Variants in GRTP1 observed in about 807,000 individuals in gnomAD.
GRTP1 encodes the protein growth hormone-regulated TBC protein 1.
GRTP1 carries 56 observed loss-of-function variants against 38.1 expected under a neutral mutation model. The observed-to-expected ratio is 1.47, with a 90% confidence interval of 1.19 to 1.84. The LOEUF is 1.84. Among genes scored for constraint, GRTP1 ranks in the 40% most tolerant of loss-of-function variants. The pLI, the probability that GRTP1 is intolerant of heterozygous loss-of-function variation, is 0.00. For missense variants in GRTP1, 506 were observed against 453.9 expected (o/e 1.11, Z -1.04); for synonymous variants, 217 against 189.5 (o/e 1.14, Z -1.19).
At chr13:113,340,516 C>T (rs1003651198) in intron 5 of GRTP1, among the ~76,000 whole-genome samples, 4 of 142,134 alleles carry the variant, frequency 2.8e-5, no homozygotes, top group Non-Finnish European at 6.0e-5. Context: ...CTGTAGTTCA[C>T]GCCTGTAATC....
At chr13:113,362,657 AC>A (rs1415582317) in intron 2 of GRTP1, among the ~76,000 whole-genome samples, 1 of 151,768 alleles carries the variant, frequency 6.6e-6, no homozygotes, top group African/African-American at 2.4e-5. Context: ...TGATCTTGTC[AC>A]CCCCTGCCTG....
rs1336670266 is a variant in GRTP1, at chr13:113,338,336, C to T, written c.562+6527G>A. ...GCATCTGCGTGTGGATGGTCACAGGCCACGGGGAGCGTGTCCTCAGGTCAC... is the reference window on the plus strand; with the variant it reads ...GCATCTGCGTGTGGATGGTCACAGGTCACGGGGAGCGTGTCCTCAGGTCAC... On this transcript the variant is annotated intron_variant, in intron 5 of 7. Transcript: ENST00000375431. 6.6e-5 allele frequency among the ~76,000 whole-genome samples: 10 copies of T among 152,140 alleles called. No individual in the cohort carries two copies. The South Asian group carries it at 1.7e-3, about 25-fold the overall frequency.
chr13:113,355,017 C>T (rs927168444), intron 3 of GRTP1: 1 of 285,250 alleles, frequency 3.5e-6, no homozygotes, highest in Admixed American at 4.8e-5. Flanking sequence ...GTGCCCGGTG[C>T]GAAGCGCACC....
At chr13:113,333,825 T>TATTTATTTATTTATTTA (rs1313765641) in intron 5 of GRTP1, among the ~76,000 whole-genome samples, 3 of 110,430 alleles carry the variant, frequency 2.7e-5, no homozygotes, top group African/African-American at 1.1e-4. Flanking sequence ...TTTATTTATT[T>TATTTATTTATTTATTTA]ATTTATTTAT....
At chr13:113,333,515 A>G (rs921316309) in intron 5 of GRTP1, among the ~76,000 whole-genome samples, 1 of 151,924 alleles carries the variant, frequency 6.6e-6, no homozygotes, top group Non-Finnish European at 1.5e-5. Context: ...TTATTTATTT[A>G]TTTTTTTGAG....
chr13:113,328,067 G>A (rs1051054035), intron 5 of GRTP1, among the ~76,000 whole-genome samples: 1 of 152,222 alleles, frequency 6.6e-6, no homozygotes, highest in Non-Finnish European at 1.5e-5. Context: ...CCCAGCCGGC[G>A]CAGCGGCTGC....
At chr13:113,332,187 T>G (rs1318522009) in intron 5 of GRTP1, among the ~76,000 whole-genome samples, 1 of 151,316 alleles carries the variant, frequency 6.6e-6, no homozygotes, top group Non-Finnish European at 1.5e-5. Context: ...CTGTGAACAT[T>G]TCAGCACATT....
rs1314680724 is a variant in GRTP1, at chr13:113,333,848, T to TA, written c.563-7758_563-7757insT. On this transcript the variant is annotated intron_variant, in intron 5 of 7. Coordinates refer to ENST00000375431, the MANE Select transcript of GRTP1 (RefSeq NM_024719.4). ...TTTATTTATTTATTTAGTGTGTGTG[T>TA]GTGTGTGTGTGTGTGTGTGTGTGTG... 7.5e-3 allele frequency among the ~76,000 whole-genome samples: 917 copies of TA among 122,198 alleles called. 6 individuals are homozygous for TA. The highest frequency in any genetic ancestry group is 0.013 in the Non-Finnish European group (709 of 56,322). The allele number at this position is 122,198 out of a possible 152,430, so 80.2% of individuals were successfully genotyped here.
intron 5 of GRTP1, among the ~76,000 whole-genome samples, chr13:113,338,179 C>T (rs1020770392): frequency 4.6e-5 from 7 of 152,110 alleles, no homozygotes; most frequent in Admixed American, 1.3e-4. Context: ...GCCCGGGGAG[C>T]GGCGTCTGCA....
At chr13:113,364,133 C>G, upstream of GRTP1, 1 of 994,118 alleles carries the variant, frequency 1.0e-6, no homozygotes, top group Non-Finnish European at 1.2e-6. Flanking sequence ...GTCCTTCCGG[C>G]GGGACCGCGG....
intron 2 of GRTP1, chr13:113,360,058 T>C (rs2043467548): frequency 6.6e-6 from 1 of 152,232 alleles, no homozygotes; most frequent in East Asian, 1.9e-4. Flanking sequence ...TTTTTCGGTG[T>C]ATCTTTGAAA....
chr13:113,360,659 C>T (rs765922337), intron 2 of GRTP1, among the ~76,000 whole-genome samples: 20 of 152,310 alleles, frequency 1.3e-4, no homozygotes, highest in South Asian at 1.2e-3. Context: ...TGCCTCCCAC[C>T]GGAGTCACCA....
intron 2 of GRTP1, among the ~76,000 whole-genome samples, chr13:113,361,273 G>A (rs561849114): frequency 1.8e-4 from 27 of 149,682 alleles, no homozygotes; most frequent in African/African-American, 6.6e-4. Context: ...TAATTGCAAA[G>A]GAGTGGGGAA....
At chr13:113,358,297 T>C (rs193126227) in intron 2 of GRTP1, among the ~76,000 whole-genome samples, 150 of 152,322 alleles carry the variant, frequency 9.8e-4, no homozygotes, top group Non-Finnish European at 1.8e-3. Flanking sequence ...AGGATCCAAA[T>C]ACTGAATGCT....
chr13:113,346,093 C>T (rs1282767572), intron 4 of GRTP1, among the ~76,000 whole-genome samples: 39 of 21,152 alleles, frequency 1.8e-3, no homozygotes, highest in African/African-American at 4.9e-3. Context: ...CCTGGGAAGA[C>T]ATCTGTGGCC....
intron 4 of GRTP1, among the ~76,000 whole-genome samples, chr13:113,347,585 TG>T (rs2043179528): frequency 2.6e-5 from 2 of 76,620 alleles, no homozygotes; most frequent in South Asian, 4.0e-4. Flanking sequence ...AGGACCTCTG[TG>T]GCTGAGAACA....
Position 113,364,034 on chromosome 13 carries a change from G to T in GRTP1, c.18C>A (p.Arg6=). The T allele has an allele frequency of 7.7e-7, 1 of 1,298,988 alleles. No individual in the cohort carries two copies. The highest frequency in any genetic ancestry group is 9.7e-7 in the Non-Finnish European group (1 of 1,027,812). 80.5% of individuals were successfully genotyped at this position (1,298,988 alleles called of 1,614,324 possible). A position where few individuals can be genotyped will look rare whatever the true frequency, so the allele number is the denominator to read the frequency against. ...GCGCCACACACCTGGGGACCCGCGA[G>T]CGCTCGGCGGGCTGCATGCGGGGAG... The part of the protein sequence containing the change: MQPAE[R]SRVPRIDPYG... The change falls in exon 1 of 8, where the codon CGC becomes CGA. Residue 6 remains arginine, a synonymous_variant. Transcript: ENST00000375431.
In GRTP1 at chr13:113,355,252, A is replaced by G. The variant is rs1285492499; in HGVS notation, c.340+71T>C. 13 of 1,527,610 alleles carry G rather than the reference A, an allele frequency of 8.5e-6. No homozygotes were observed. The South Asian group carries it at 9.5e-5, about 11-fold the overall frequency. 94.6% of individuals were successfully genotyped at this position (1,527,610 alleles called of 1,614,324 possible). ...CCGCTCACCCCTGGACGCTGAGGCT[A>G]GACACTGGGTGGAAACCGGTTCCTT... On this transcript the variant is annotated intron_variant, in intron 3 of 7. Transcript: ENST00000375431.
intron 5 of GRTP1, chr13:113,339,474 T>C (rs1213995504): frequency 6.6e-6 from 1 of 152,258 alleles, no homozygotes; most frequent in Non-Finnish European, 1.5e-5. Flanking sequence ...TTTCAAAGTT[T>C]TACTTTTTTA....
Sources: gnomAD v4.1 joint callset for allele counts (sites outside exome capture counted in the v4.1 genomes callset) on GRCh38, gnomAD v4.1.1 for gene constraint, MANE v1.5 for transcripts, NCBI Gene and HGNC (gene_info 2026-07-23, HGNC 2026-07-21) for gene names.